Variants in PHACTR4 observed in about 807,000 individuals in gnomAD.
PHACTR4 encodes protein phosphatase 1, regulatory subunit 124.
In PHACTR4, 51 loss-of-function variants were observed where a neutral mutation model predicts 72.7. The observed-to-expected ratio is 0.70, with a 90% CI of 0.56 to 0.89. PHACTR4 has a LOEUF of 0.89. Ranked by LOEUF, PHACTR4 falls within the 40% of genes least tolerant of loss-of-function variation. The probability of loss-of-function intolerance (pLI) is 0.00; values close to 1 mark genes in which losing one functional copy is unlikely to be tolerated. For synonymous variants in PHACTR4, 255 were observed against 302.5 expected, an observed-to-expected ratio of 0.84 and a Z score of 1.63; for missense variants, 731 against 861.8, an observed-to-expected ratio of 0.85 and a Z score of 1.90.
intron 8 of PHACTR4, among the ~76,000 whole-genome samples, chr1:28,476,949 T>G (rs963247814): frequency 6.6e-5 from 10 of 150,590 alleles, no homozygotes; most frequent in Non-Finnish European, 1.5e-4. Flanking sequence ...TTTGTATTTT[T>G]AGTAGAGATG....
At chr1:28,479,149 G>A (rs547726557) in intron 8 of PHACTR4, among the ~76,000 whole-genome samples, 5 of 151,674 alleles carry the variant, frequency 3.3e-5, no homozygotes, top group Non-Finnish European at 5.9e-5. Context: ...GGCTGGCCAC[G>A]GTGGCTCACA....
intron 6 of PHACTR4, among the ~76,000 whole-genome samples, chr1:28,472,610 CT>C (rs34472891): frequency 1.3e-3 from 196 of 146,792 alleles, no homozygotes; most frequent in Non-Finnish European, 1.9e-3. Context: ...TACAAAATAA[CT>C]TTTTTTTTTT....
intron 9 of PHACTR4, among the ~76,000 whole-genome samples, chr1:28,486,173 A>C (rs562094964): frequency 1.3e-5 from 2 of 152,096 alleles, no homozygotes; most frequent in South Asian, 4.2e-4. Context: ...CCTGATCAAC[A>C]TGGAGAAACT....
At chr1:28,395,221 T>C (rs1023629841) in intron 1 of PHACTR4, among the ~76,000 whole-genome samples, 1 of 151,322 alleles carries the variant, frequency 6.6e-6, no homozygotes, top group African/African-American at 2.4e-5. Context: ...TGGCCATCTT[T>C]TAAAAGTATG....
chr1:28,465,559 T>A lies in PHACTR4; in HGVS notation c.272-126T>A, dbSNP rs146738401. On this transcript the variant is annotated intron_variant, in intron 4 of 13. Transcript: ENST00000373839. ...TGAGCCCAGGAGTTCAAGACCAGCC[T>A]GGGCAACATAGTGAGACCCTGTCTC... The A allele has an allele frequency of 2.0e-5, 19 of 972,800 alleles. No individual in the cohort carries two copies. In the East Asian group the frequency reaches 4.6e-4, roughly 24 times the overall value. The allele number at this position is 972,800 out of a possible 1,614,324, so 60.3% of individuals were successfully genotyped here. A position where few individuals can be genotyped will look rare whatever the true frequency, so the allele number is the denominator to read the frequency against.
Position 28,472,803 on chromosome 1 carries a change from A to T in PHACTR4, c.824-751A>T, listed in dbSNP as rs1233569107. 2.2e-5 allele frequency among the ~76,000 whole-genome samples: 3 copies of T among 138,082 alleles called. No homozygotes were observed. The East Asian group carries it at 6.4e-4, about 29-fold the overall frequency. 90.6% of individuals were successfully genotyped at this position (138,082 alleles called of 152,430 possible). ...AATTTTTTTTTTTTTTTTTTAGTAGAGACGGGGTTTCACCATGTTGGCCAG... is the reference window on the plus strand; with the variant it reads ...AATTTTTTTTTTTTTTTTTTAGTAGTGACGGGGTTTCACCATGTTGGCCAG... On this transcript the variant is annotated intron_variant, in intron 6 of 13. Transcript: ENST00000373839.
At chr1:28,465,297 T>TA (rs1659072438) in intron 4 of PHACTR4, among the ~76,000 whole-genome samples, 1 of 151,842 alleles carries the variant, frequency 6.6e-6, no homozygotes, top group Non-Finnish European at 1.5e-5. Context: ...CCGTCTCCAC[T>TA]AAAAAATACA....
intron 1 of PHACTR4, among the ~76,000 whole-genome samples, chr1:28,392,873 C>T (rs774936557): frequency 2.0e-5 from 3 of 151,604 alleles, no homozygotes; most frequent in East Asian, 1.9e-4. Flanking sequence ...ATTGTGAAGA[C>T]GAAAAAAGAA....
chr1:28,471,576 T>C (rs1659564334), intron 6 of PHACTR4, among the ~76,000 whole-genome samples: 1 of 152,204 alleles, frequency 6.6e-6, no homozygotes, highest in African/African-American at 2.4e-5. Flanking sequence ...TTAATTACTT[T>C]ACCAGTTTTA....
chr1:28,417,360 T>A (rs2124324707), intron 2 of PHACTR4, among the ~76,000 whole-genome samples: 1 of 152,246 alleles, frequency 6.6e-6, no homozygotes, highest in South Asian at 2.1e-4. Context: ...GTGATAAAGT[T>A]TGGATTATAA....
chr1:28,475,038 C>T (rs535374181), intron 7 of PHACTR4, among the ~76,000 whole-genome samples: 5 of 152,128 alleles, frequency 3.3e-5, no homozygotes, highest in Non-Finnish European at 7.4e-5. Context: ...CAACCTCCAT[C>T]TCCTGGGCTC....
chr1:28,491,474 CA>C (rs1157934551), intron 11 of PHACTR4, among the ~76,000 whole-genome samples, 175 bp from the exon 12 acceptor site: 2 of 150,922 alleles, frequency 1.3e-5, no homozygotes, highest in African/African-American at 4.9e-5. Context: ...AAAAACAAAA[CA>C]AAAAACCACC....
chr1:28,392,959 A>G (rs183000067), intron 1 of PHACTR4, among the ~76,000 whole-genome samples: 408 of 152,310 alleles, frequency 2.7e-3, no homozygotes, highest in African/African-American at 9.5e-3. Context: ...CCTAGTGAAG[A>G]TGGAAAAGAC....
At chr1:28,476,062 C>T in intron 7 of PHACTR4, 45 bp from the exon 8 acceptor site, 2 of 1,537,692 alleles carry the variant, frequency 1.3e-6, no homozygotes, top group Non-Finnish European at 1.8e-6. Flanking sequence ...AGTCAGTTAT[C>T]CTCTTCATTT....
At chr1:28,491,411 T>C (rs1344882308) in intron 11 of PHACTR4, among the ~76,000 whole-genome samples, 1 of 151,512 alleles carries the variant, frequency 6.6e-6, no homozygotes, top group Non-Finnish European at 1.5e-5. Flanking sequence ...TGAGCTGTGA[T>C]TGTGCCACTG....
At chr1:28,444,782 A>ATTTTTTT (rs577693546) in intron 2 of PHACTR4, among the ~76,000 whole-genome samples, 131 of 116,670 alleles carry the variant, frequency 1.1e-3, no homozygotes, top group African/African-American at 4.3e-3. Flanking sequence ...CACCCAGCTA[A>ATTTTTTT]TTTTTTTTTT....
At position 28,432,371 on chromosome 1, in the gene PHACTR4, CT is replaced by C. The variant is rs112055906; in HGVS notation, c.16+24925del. ...CTGAGGCTAGAGGATCTCTCTCTCT[CT>C]TTTTTTTTTTTTTTTTGAGTAAAAC... On this transcript the variant is annotated intron_variant, in intron 2 of 13. Transcript: ENST00000373839. Among the ~76,000 whole-genome samples the C allele has an allele frequency of 8.8e-3, 1,191 of 135,556 alleles. 4 individuals are homozygous for C. The highest frequency in any genetic ancestry group is 0.019 in the African/African-American group (716 of 36,734). 88.9% of individuals were successfully genotyped at this position (135,556 alleles called of 152,430 possible). A position where few individuals can be genotyped will look rare whatever the true frequency, so the allele number is the denominator to read the frequency against.
chr1:28,472,207 C>CA (rs1346388139), intron 6 of PHACTR4, among the ~76,000 whole-genome samples: 2,797 of 117,492 alleles, frequency 0.024, 85 homozygotes, highest in African/African-American at 0.064. Flanking sequence ...GACTCCGTCT[C>CA]AAAAAAAAAA....
chr1:28,416,193 T>G (rs1396706411), intron 2 of PHACTR4, among the ~76,000 whole-genome samples: 1 of 152,198 alleles, frequency 6.6e-6, no homozygotes, highest in Non-Finnish European at 1.5e-5. Context: ...TATTACATGA[T>G]GCCAAAATTG....
Sources: gnomAD v4.1 joint callset for allele counts (sites outside exome capture counted in the v4.1 genomes callset) on GRCh38, gnomAD v4.1.1 for gene constraint, MANE v1.5 for transcripts, NCBI Gene and HGNC (gene_info 2026-07-23, HGNC 2026-07-21) for gene names.